MATCAP2: variants seen among roughly 807,000 people sequenced by gnomAD.
MATCAP2 encodes the protein putative tyrosine carboxypeptidase MATCAP2.
At chr7:36,386,202 G>T in the MATCAP2 span, among the ~76,000 whole-genome samples, 1 of 151,364 alleles carries the variant, frequency 6.6e-6, no homozygotes, top group African/African-American at 2.4e-5. Context: ...TGGCATTACA[G>T]GTCAATGAGA....
the MATCAP2 span, among the ~76,000 whole-genome samples, chr7:36,369,175 G>T: frequency 1.3e-5 from 2 of 152,072 alleles, no homozygotes; most frequent in Non-Finnish European, 2.9e-5. Flanking sequence ...ATAAATATTT[G>T]TGAATTAATG....
At chr7:36,351,546 G>A in the MATCAP2 span, among the ~76,000 whole-genome samples, 8 of 152,224 alleles carry the variant, frequency 5.3e-5, no homozygotes, top group East Asian at 3.9e-4. Context: ...CAGAATGACC[G>A]CCAAATAAGA....
chr7:36,358,478 A>C, the MATCAP2 span, among the ~76,000 whole-genome samples: 7 of 152,240 alleles, frequency 4.6e-5, no homozygotes, highest in African/African-American at 1.7e-4. Flanking sequence ...TTAAGGTTAA[A>C]GAAAAACAAG....
the MATCAP2 span, chr7:36,325,421 C>A: frequency 6.6e-6 from 1 of 152,172 alleles, no homozygotes; most frequent in African/African-American, 2.4e-5. Flanking sequence ...AGAGAAAAAT[C>A]ATGTAACCTC....
the MATCAP2 span, chr7:36,334,229 T>C: frequency 2.9e-5 from 40 of 1,373,842 alleles, no homozygotes; most frequent in Non-Finnish European, 4.0e-5. Flanking sequence ...CCCCCAAAGT[T>C]AGATTCCATC....
At chr7:36,364,088 CT>C in the MATCAP2 span, among the ~76,000 whole-genome samples, 3 of 135,492 alleles carry the variant, frequency 2.2e-5, no homozygotes, top group African/African-American at 5.6e-5. Flanking sequence ...GAATCTTCTT[CT>C]TCTTTTTTTT....
At chr7:36,383,827 G>A in the MATCAP2 span, 3 of 1,416,320 alleles carry the variant, frequency 2.1e-6, no homozygotes, top group Non-Finnish European at 3.0e-6. Flanking sequence ...ATTTTAAAAA[G>A]TGTAAAAGAA....
the MATCAP2 span, among the ~76,000 whole-genome samples, chr7:36,369,682 TG>T: frequency 6.6e-6 from 1 of 152,182 alleles, no homozygotes; most frequent in African/African-American, 2.4e-5. Context: ...CTGGGCTTGG[TG>T]TTTTTGGAGT....
chr7:36,336,437 C>A, the MATCAP2 span: 1 of 724,758 alleles, frequency 1.4e-6, no homozygotes, highest in Non-Finnish European at 2.1e-6. Flanking sequence ...CCAAACTTTT[C>A]TAATCCTAAA....
At chr7:36,363,336 C>T in the MATCAP2 span, among the ~76,000 whole-genome samples, 1 of 152,112 alleles carries the variant, frequency 6.6e-6, no homozygotes, top group Admixed American at 6.5e-5. Context: ...ATATCACATA[C>T]AAAATAAAGC....
the MATCAP2 span, among the ~76,000 whole-genome samples, chr7:36,339,487 T>C: frequency 6.6e-6 from 1 of 152,188 alleles, no homozygotes; most frequent in Non-Finnish European, 1.5e-5. Flanking sequence ...ATTCAGAATC[T>C]GCATTTTAAC....
At chr7:36,335,037 T>C in the MATCAP2 span, 150 of 1,603,902 alleles carry the variant, frequency 9.4e-5, no homozygotes, top group Middle Eastern at 1.7e-4. Context: ...TGGAAAGGAT[T>C]GCCCCTACCT....
At chr7:36,375,586 G>C in the MATCAP2 span, among the ~76,000 whole-genome samples, 1 of 152,142 alleles carries the variant, frequency 6.6e-6, no homozygotes, top group African/African-American at 2.4e-5. Flanking sequence ...TTGGTATCAG[G>C]ATGATGCTGG....
chr7:36,359,291 T>C, the MATCAP2 span, among the ~76,000 whole-genome samples: 1 of 152,210 alleles, frequency 6.6e-6, no homozygotes, highest in African/African-American at 2.4e-5. Context: ...CCAGGGATGC[T>C]GCTAAACATC....
chr7:36,376,341 A>G, the MATCAP2 span, among the ~76,000 whole-genome samples: 8 of 152,046 alleles, frequency 5.3e-5, no homozygotes, highest in Non-Finnish European at 7.4e-5. Flanking sequence ...CCTTCATTTC[A>G]TTATTTACCC....
the MATCAP2 span, chr7:36,390,291 C>T: frequency 3.1e-5 from 18 of 583,686 alleles, no homozygotes; most frequent in Non-Finnish European, 5.1e-5. Flanking sequence ...TCCTAAAAGG[C>T]TGTTGCGAGA....
At chr7:36,358,920 G>C in the MATCAP2 span, among the ~76,000 whole-genome samples, 3 of 152,200 alleles carry the variant, frequency 2.0e-5, no homozygotes, top group African/African-American at 7.2e-5. Flanking sequence ...GAGATTTCAA[G>C]TAGGCCCTTA....
chr7:36,352,474 T>A, the MATCAP2 span, among the ~76,000 whole-genome samples: 1 of 150,644 alleles, frequency 6.6e-6, no homozygotes, highest in Non-Finnish European at 1.5e-5. Flanking sequence ...ACTGTTTCAC[T>A]CATGGATATG....
the MATCAP2 span, chr7:36,334,207 G>C: frequency 6.8e-7 from 1 of 1,461,366 alleles, no homozygotes; most frequent in Non-Finnish European, 9.4e-7. Flanking sequence ...TGCCATTCTT[G>C]TTTTAATTCT....
Sources: gnomAD v4.1 joint callset for allele counts (sites outside exome capture counted in the v4.1 genomes callset) on GRCh38, gnomAD v4.1.1 for gene constraint, MANE v1.5 for transcripts, NCBI Gene and HGNC (gene_info 2026-07-23, HGNC 2026-07-21) for gene names.